Variants in CNIH3 observed in about 807,000 individuals in gnomAD.
CNIH3 encodes the protein protein cornichon homolog 3.
A neutral mutation model predicts 24.1 loss-of-function variants in CNIH3; 14 were observed. That is an observed-to-expected ratio of 0.58 (90% CI 0.38 to 0.91). The LOEUF is 0.91. CNIH3 is among the 40% of genes least tolerant of loss of function. The probability of loss-of-function intolerance (pLI) is 0.00; values close to 1 mark genes in which losing one functional copy is unlikely to be tolerated. For synonymous variants in CNIH3, 68 were observed against 73.8 expected, an observed-to-expected ratio of 0.92 and a Z score of 0.40; for missense variants, 178 against 196.8, an observed-to-expected ratio of 0.90 and a Z score of 0.57.
Position 224,616,849 on chromosome 1 carries a change from G to C in CNIH3, c.-326G>C, listed in dbSNP as rs1216237303. The C allele has an allele frequency of 2.6e-6, 3 of 1,161,358 alleles. No individual in the cohort carries two copies. Among genetic ancestry groups the C allele is most frequent in the Middle Eastern group, 3.6e-4 (1 of 2,794 alleles). 71.9% of individuals were successfully genotyped at this position (1,161,358 alleles called of 1,614,324 possible). A position where few individuals can be genotyped will look rare whatever the true frequency, so the allele number is the denominator to read the frequency against. ...TCGCATCGCTTGTCGTGTTGGTCTC[G>C]AGGGGCTCACAGCTTGGCACTAATT... On this transcript the variant is annotated 5_prime_UTR_variant, in exon 1 of 6. Coordinates refer to ENST00000272133, the MANE Select transcript of CNIH3 (RefSeq NM_152495.2).
intron 3 of CNIH3, among the ~76,000 whole-genome samples, chr1:224,554,978 A>C (rs1034306899): frequency 6.6e-6 from 1 of 152,176 alleles, no homozygotes; most frequent in Non-Finnish European, 1.5e-5. Flanking sequence ...AATAGGTTAC[A>C]TGCAAATATA....
chr1:224,513,315 A>ATT (rs548599855), upstream of CNIH3, among the ~76,000 whole-genome samples: 4 of 72,652 alleles, frequency 5.5e-5, no homozygotes, highest in Admixed American at 1.6e-4. Flanking sequence ...CACCTGGTTA[A>ATT]TTTTTTTTTT....
At chr1:224,492,703 ATC>A (rs1299715735) in intron 1 of CNIH3, among the ~76,000 whole-genome samples, 1 of 152,188 alleles carries the variant, frequency 6.6e-6, no homozygotes, top group Non-Finnish European at 1.5e-5. Context: ...TCTTGAAGTC[ATC>A]TCTTTCTGTG....
At chr1:224,598,850 T>C (rs1239163631) in intron 3 of CNIH3, among the ~76,000 whole-genome samples, 2 of 152,238 alleles carry the variant, frequency 1.3e-5, no homozygotes, top group South Asian at 2.1e-4. Flanking sequence ...ATAACTTATA[T>C]GCCCTGGGAA....
At chr1:224,506,082 C>T (rs1167759926) in intron 1 of CNIH3, among the ~76,000 whole-genome samples, 3 of 152,140 alleles carry the variant, frequency 2.0e-5, no homozygotes, top group African/African-American at 7.2e-5. Flanking sequence ...TTGGTTTATA[C>T]AATACTGAAC....
At chr1:224,533,902 C>T (rs574940585) in intron 2 of CNIH3, among the ~76,000 whole-genome samples, 21 of 152,296 alleles carry the variant, frequency 1.4e-4, no homozygotes, top group East Asian at 7.7e-4. Flanking sequence ...CAGTGGCTTG[C>T]GCTTGTAATC....
At chr1:224,610,783 T>C (rs537631773) in intron 3 of CNIH3, among the ~76,000 whole-genome samples, 89 of 152,318 alleles carry the variant, frequency 5.8e-4, no homozygotes, top group African/African-American at 2.1e-3. Context: ...CAGGAAAACA[T>C]GGAACATTCA....
chr1:224,607,515 A>G (rs115410999), intron 3 of CNIH3, among the ~76,000 whole-genome samples: 3,713 of 152,182 alleles, frequency 0.024, 137 homozygotes, highest in African/African-American at 0.081. Context: ...GAAAGAGTCA[A>G]TTATGCATTC....
chr1:224,717,710 A>C (rs1275554967), intron 3 of CNIH3: 1 of 152,048 alleles, frequency 6.6e-6, no homozygotes, highest in African/African-American at 2.4e-5. Context: ...AAGCCTGGAG[A>C]GTTGAGTTGA....
At chr1:224,647,949 G>A (rs1369226350) in intron 1 of CNIH3, among the ~76,000 whole-genome samples, 1 of 152,206 alleles carries the variant, frequency 6.6e-6, no homozygotes, top group Non-Finnish European at 1.5e-5. Context: ...TAGGGTACTG[G>A]TTACGGGAAC....
intron 1 of CNIH3, among the ~76,000 whole-genome samples, chr1:224,636,709 C>T (rs12123347): frequency 0.32 from 48,263 of 151,940 alleles, 9,680 homozygotes; most frequent in African/African-American, 0.58. Context: ...TCCACAACTC[C>T]TAATTGGATT....
intron 1 of CNIH3, among the ~76,000 whole-genome samples, chr1:224,447,241 A>T (rs1290400928): frequency 1.3e-5 from 2 of 152,086 alleles, no homozygotes; most frequent in East Asian, 3.9e-4. Flanking sequence ...AGGGAAGCTG[A>T]TGGTGTACTT....
At chr1:224,687,299 A>G (rs1686709394) in intron 3 of CNIH3, among the ~76,000 whole-genome samples, 1 of 152,196 alleles carries the variant, frequency 6.6e-6, no homozygotes, top group Non-Finnish European at 1.5e-5. Flanking sequence ...GGGTGCAATC[A>G]TAACTCACTG....
chr1:224,686,692 A>G (rs1009348684), intron 3 of CNIH3, among the ~76,000 whole-genome samples: 1 of 152,196 alleles, frequency 6.6e-6, no homozygotes, highest in Non-Finnish European at 1.5e-5. Context: ...CTCTGGCAGA[A>G]CAATGTTCCA....
chr1:224,689,465 C>T (rs946714774), intron 3 of CNIH3, among the ~76,000 whole-genome samples: 5 of 152,168 alleles, frequency 3.3e-5, no homozygotes, highest in East Asian at 1.9e-4. Context: ...AGGTTAGTGC[C>T]GTTTAGTGTT....
At chr1:224,494,594 G>T (rs1195556286) in intron 1 of CNIH3, among the ~76,000 whole-genome samples, 1 of 152,150 alleles carries the variant, frequency 6.6e-6, no homozygotes, top group Non-Finnish European at 1.5e-5. Context: ...TAACCAGCTT[G>T]ATGGTACTAA....
intron 3 of CNIH3, among the ~76,000 whole-genome samples, chr1:224,720,206 A>G (rs1286865285): frequency 6.6e-6 from 1 of 152,018 alleles, no homozygotes; most frequent in Admixed American, 6.5e-5. Context: ...TGCTGAGTGT[A>G]ACAGGTAATT....
At chr1:224,467,984 T>TA (rs909528274) in intron 1 of CNIH3, among the ~76,000 whole-genome samples, 7 of 151,968 alleles carry the variant, frequency 4.6e-5, no homozygotes, top group Admixed American at 2.0e-4. Flanking sequence ...CTTTTTTCTT[T>TA]AAAAAAATCA....
chr1:224,512,474 T>C (rs1678195324), upstream of CNIH3, among the ~76,000 whole-genome samples: 1 of 152,158 alleles, frequency 6.6e-6, no homozygotes, highest in South Asian at 2.1e-4. Flanking sequence ...AGTGAGACCT[T>C]GTTTCAAAAA....
Sources: allele counts gnomAD v4.1 joint callset (sites outside exome capture counted in the v4.1 genomes callset), GRCh38; gene constraint gnomAD v4.1.1; transcripts MANE v1.5; gene names NCBI Gene and HGNC (gene_info 2026-07-23, HGNC 2026-07-21).